TOGARAM1: variants seen among roughly 807,000 people sequenced by gnomAD.
TOGARAM1 encodes TOG array regulator of axonemal microtubules 1.
TOGARAM1 carries 100 observed loss-of-function variants against 166.6 expected under a neutral mutation model. The ratio of observed to expected loss-of-function variants is 0.60; its 90% CI spans 0.51 to 0.71. TOGARAM1 has a LOEUF of 0.71. Among genes scored for constraint, TOGARAM1 ranks in the 30% least tolerant of loss-of-function variants. The pLI, the probability that TOGARAM1 is intolerant of heterozygous loss-of-function variation, is 0.00. For synonymous variants in TOGARAM1, 758 were observed against 763.8 expected (o/e 0.99, Z 0.13); for missense variants, 2,029 against 2,102.7 (o/e 0.96, Z 0.69).
intron 11 of TOGARAM1, among the ~76,000 whole-genome samples, chr14:45,042,772 C>T (rs1881792624): frequency 6.6e-6 from 1 of 151,996 alleles, no homozygotes; most frequent in South Asian, 2.1e-4. Context: ...TCACCTGAAC[C>T]CTCAGTGAGT....
intron 15 of TOGARAM1, among the ~76,000 whole-genome samples, chr14:45,053,333 G>C (rs540582774): frequency 7.2e-5 from 11 of 152,164 alleles, no homozygotes; most frequent in Non-Finnish European, 1.5e-4. Context: ...GAGCCAATGC[G>C]CCCAGCCATG....
intron 1 of TOGARAM1, among the ~76,000 whole-genome samples, chr14:44,982,537 T>C (rs1886589566): frequency 6.6e-6 from 1 of 152,172 alleles, no homozygotes; most frequent in South Asian, 2.1e-4. Flanking sequence ...CATGTGTATG[T>C]GGGCACGAGG....
intron 6 of TOGARAM1, among the ~76,000 whole-genome samples, chr14:45,011,475 G>A (rs896757428): frequency 1.3e-5 from 2 of 152,018 alleles, no homozygotes; most frequent in Non-Finnish European, 2.9e-5. Flanking sequence ...GCCATGCCTG[G>A]TTAATTTTTT....
At chr14:45,061,521 G>T (rs1035061585) in intron 16 of TOGARAM1, among the ~76,000 whole-genome samples, 7 of 152,128 alleles carry the variant, frequency 4.6e-5, no homozygotes, top group Non-Finnish European at 1.0e-4. Flanking sequence ...TTAGCTGTAG[G>T]TTTCATAGAA....
At chr14:44,972,678 T>C (rs886768343) in intron 1 of TOGARAM1, among the ~76,000 whole-genome samples, 21 of 152,182 alleles carry the variant, frequency 1.4e-4, no homozygotes, top group African/African-American at 4.3e-4. Context: ...GAAATTAATA[T>C]AGCTACTCTT....
chr14:45,049,502 G>T (rs1318822134), intron 14 of TOGARAM1, among the ~76,000 whole-genome samples: 1 of 152,026 alleles, frequency 6.6e-6, no homozygotes, highest in African/African-American at 2.4e-5. Flanking sequence ...CTTGTGATCC[G>T]CCTGCCTCGG....
At chr14:45,058,447 A>G (rs928014170) in intron 16 of TOGARAM1, among the ~76,000 whole-genome samples, 3 of 151,958 alleles carry the variant, frequency 2.0e-5, no homozygotes, top group Non-Finnish European at 1.5e-5. Flanking sequence ...GGCACACACC[A>G]TCATGCCCGG....
At position 44,962,764 on chromosome 14, in the gene TOGARAM1, G is replaced by T; in HGVS notation, c.343G>T (p.Ala115Ser). Residue 115 changes from alanine to serine, a missense_variant, in exon 1 of 20, where the codon GCT (alanine) becomes TCT (serine). Transcript: ENST00000361462. ...CCGGGATCCTTCTGAGGCCTTCCAG[G>T]CTTTGCAAGCTGCTTTGCCGCGGCG... is the stretch of plus-strand genomic sequence containing the variant. ...TARDPSEAFQ[A>S]LQAALPRRGG... is the part of the protein sequence containing the mutation. 6.2e-7 allele frequency: 1 copy of T among 1,613,138 alleles called. No individual in the cohort carries two copies.
At chr14:45,012,106 A>C in intron 7 of TOGARAM1, 31 bp downstream of exon 7, 1 of 1,333,694 alleles carries the variant, frequency 7.5e-7, no homozygotes, top group Non-Finnish European at 1.0e-6. Context: ...AAAATAATTT[A>C]TAAAATATGA....
At chr14:45,040,858 G>A (rs562543693) in intron 11 of TOGARAM1, among the ~76,000 whole-genome samples, 3 of 151,792 alleles carry the variant, frequency 2.0e-5, no homozygotes, top group African/African-American at 4.8e-5. Context: ...GGCTAACATG[G>A]TGAAACCCCA....
chr14:44,964,144 A>G lies in TOGARAM1; in HGVS notation c.1723A>G (p.Arg575Gly). Residue 575 changes from arginine (R) to glycine (G), a missense_variant, in exon 1 of 20, where the codon AGG (arginine) becomes GGG (glycine). Coordinates refer to ENST00000361462, the MANE Select transcript of TOGARAM1 (RefSeq NM_001308120.2). ...GAATGCTGTGCAGGCCAGATTGGCTAGGAAAACCTTACCAAGGCTCACAGA... is the reference window on the plus strand; with the variant it reads ...GAATGCTGTGCAGGCCAGATTGGCTGGGAAAACCTTACCAAGGCTCACAGA... ...VMNAVQARLA[R>G]KTLPRLTEQG... is the part of the protein sequence containing the mutation. 6.2e-7 allele frequency: 1 copy of G among 1,614,230 alleles called. No individual in the cohort carries two copies. Among genetic ancestry groups the G allele is most frequent in the Non-Finnish European group, 8.5e-7 (1 of 1,180,028 alleles).
chr14:45,045,646 T>G (rs1272650406), intron 13 of TOGARAM1, among the ~76,000 whole-genome samples: 1 of 121,000 alleles, frequency 8.3e-6, no homozygotes. Context: ...TACATATATA[T>G]ACATATATAC....
chr14:45,060,036 C>A (rs1882831891), intron 16 of TOGARAM1, among the ~76,000 whole-genome samples: 1 of 151,322 alleles, frequency 6.6e-6, no homozygotes, highest in Non-Finnish European at 1.5e-5. Context: ...TCCCAGCCTC[C>A]TGAGTAGCTG....
intron 13 of TOGARAM1, among the ~76,000 whole-genome samples, chr14:45,045,696 T>C (rs1040334513): frequency 3.2e-5 from 4 of 126,470 alleles, no homozygotes; most frequent in African/African-American, 6.3e-5. Context: ...TATATACACA[T>C]ATATATGTGT....
chr14:44,972,860 C>G (rs1885961970), intron 1 of TOGARAM1, among the ~76,000 whole-genome samples: 1 of 152,076 alleles, frequency 6.6e-6, no homozygotes, highest in Non-Finnish European at 1.5e-5. Context: ...AAATGACATA[C>G]AGTAAGTCCT....
chr14:44,968,943 A>C (rs752798834), intron 1 of TOGARAM1, among the ~76,000 whole-genome samples: 5 of 152,166 alleles, frequency 3.3e-5, no homozygotes, highest in African/African-American at 7.2e-5. Flanking sequence ...AAGCCTTAGC[A>C]ACCAGTGGTC....
At chr14:45,028,478 T>A in intron 10 of TOGARAM1, 149 bp downstream of exon 10, 1 of 779,440 alleles carries the variant, frequency 1.3e-6, no homozygotes, top group African/African-American at 1.8e-5. Flanking sequence ...ATTAGCTTTG[T>A]GACCTGGAAG....
At chr14:45,058,260 C>T (rs552975569) in intron 16 of TOGARAM1, among the ~76,000 whole-genome samples, 17 of 151,448 alleles carry the variant, frequency 1.1e-4, no homozygotes, top group African/African-American at 3.4e-4. Context: ...AACATAGCTA[C>T]ACCTGATCAC....
chr14:45,004,467 T>C lies in TOGARAM1; in HGVS notation c.2644+101T>C, dbSNP rs1887852797. 3 of 840,598 alleles carry C rather than the reference T, an allele frequency of 3.6e-6. No individual in the cohort carries two copies. In the African/African-American group the frequency reaches 5.1e-5, roughly 14 times the overall value. 52.1% of individuals were successfully genotyped at this position (840,598 alleles called of 1,614,324 possible). On this transcript the variant is annotated intron_variant, in intron 4 of 19. Coordinates refer to ENST00000361462, the MANE Select transcript of TOGARAM1 (RefSeq NM_001308120.2). ...TCTTTAAAAGCTAGTAAACTACATT[T>C]TATCTGTCTGAATTTAGTAAATATT... is the stretch of plus-strand genomic sequence containing the variant.
Sources: allele counts gnomAD v4.1 joint callset (sites outside exome capture counted in the v4.1 genomes callset), GRCh38; gene constraint gnomAD v4.1.1; transcripts MANE v1.5; gene names NCBI Gene and HGNC (gene_info 2026-07-23, HGNC 2026-07-21).